Variants in NLRP1 observed in about 807,000 individuals in gnomAD.
NLRP1 encodes the protein NLR family pyrin domain containing 1, also known as NACHT, LRR and PYD domains-containing protein 1.
NLRP1 carries 94 observed loss-of-function variants against 136.7 expected under a neutral mutation model. That is an observed-to-expected ratio of 0.69 (90% CI 0.58 to 0.82). The LOEUF (loss-of-function observed/expected upper bound fraction) is 0.82. NLRP1 is among the 40% of genes least tolerant of loss of function. The pLI, the probability that NLRP1 is intolerant of heterozygous loss-of-function variation, is 0.00. For missense variants in NLRP1, 1,575 were observed against 1,802.7 expected, an observed-to-expected ratio of 0.87 and a Z score of 2.29; for synonymous variants, 690 against 725.1, an observed-to-expected ratio of 0.95 and a Z score of 0.78.
intron 3 of NLRP1, among the ~76,000 whole-genome samples, chr17:5,578,398 TCAAA>T (rs1905235373): frequency 6.6e-6 from 1 of 150,982 alleles, no homozygotes; most frequent in South Asian, 2.2e-4. Flanking sequence ...TACAAAGAAC[TCAAA>T]CAAATTTACA....
chr17:5,537,694 T>C lies in NLRP1; in HGVS notation c.2871-754A>G, dbSNP rs541782934. 2.0e-5 allele frequency among the ~76,000 whole-genome samples: 3 copies of C among 152,292 alleles called. No homozygotes were observed. The South Asian group carries it at 6.2e-4, about 32-fold the overall frequency. ...CTGCCCCTGGGGAGGAGCGCAGACC[T>C]TGAAGTAGAAGGTTATTCTTCTCAA... On this transcript the variant is annotated intron_variant, in intron 7 of 16. Coordinates refer to ENST00000572272, the MANE Select transcript of NLRP1 (RefSeq NM_033004.4). This position sits in a 1 kb window ranked among gnomAD's most constrained non-coding sequence, Gnocchi z 4.5.
intron 3 of NLRP1, among the ~76,000 whole-genome samples, chr17:5,567,882 C>A (rs1027421333): frequency 1.3e-5 from 2 of 152,106 alleles, no homozygotes; most frequent in Non-Finnish European, 2.9e-5. Flanking sequence ...ATATGTCATG[C>A]CACTCTCTCC....
intron 3 of NLRP1, among the ~76,000 whole-genome samples, chr17:5,577,597 A>G (rs1450267037): frequency 3.3e-5 from 5 of 152,036 alleles, no homozygotes; most frequent in South Asian, 4.1e-4. Context: ...CCACTGCTCA[A>G]TGAAATAAAA....
Position 5,582,069 on chromosome 17 carries a change from G to A in NLRP1, c.449-7C>T. 1 of 1,601,956 alleles carries A rather than the reference G, an allele frequency of 6.2e-7. No individual in the cohort carries two copies. The highest frequency in any genetic ancestry group is 8.5e-7 in the Non-Finnish European group (1 of 1,171,758). ...AGGAGTGAGGCAGAGATTTCTGGGG[G>A]GAATGAAAAGAAAAATAACCATTTA... On this transcript the variant is annotated splice_region_variant and splice_polypyrimidine_tract_variant and intron_variant, in intron 2 of 16. Coordinates refer to ENST00000572272, the MANE Select transcript of NLRP1 (RefSeq NM_033004.4).
Position 5,558,463 on chromosome 17 carries a change from C to T in NLRP1, c.2233G>A (p.Val745Ile). ...ACTAAGAGCTCCATGTCTGTTTCTA[C>T]ACACATGCCCATTTCTTCGAAATGG... ...MAHFEEMGMC[V>I]ETDMELLVCT... is the part of the protein sequence containing the mutation. Residue 745 changes from valine (V) to isoleucine (I), a missense_variant, in exon 4 of 17, where the codon GTA becomes ATA. Coordinates refer to ENST00000572272, the MANE Select transcript of NLRP1 (RefSeq NM_033004.4). 2 of 1,614,126 alleles carry T rather than the reference C, an allele frequency of 1.2e-6. No homozygotes were observed. The highest frequency in any genetic ancestry group is 1.7e-6 in the Non-Finnish European group (2 of 1,180,028).
At chr17:5,573,561 C>A (rs1904665058) in intron 3 of NLRP1, among the ~76,000 whole-genome samples, 2 of 152,220 alleles carry the variant, frequency 1.3e-5, no homozygotes, top group South Asian at 4.1e-4. Flanking sequence ...CTGGGAAGCA[C>A]CCCCAAGTAG....
downstream of NLRP1, chr17:5,512,595 C>G: frequency 2.0e-6 from 1 of 499,664 alleles, no homozygotes; most frequent in South Asian, 2.1e-5. Context: ...GTGGGTGGGG[C>G]GTGAAGGACC....
chr17:5,557,945 GAGAGAATGAATGCCC>G (rs984697665), intron 4 of NLRP1, among the ~76,000 whole-genome samples: 1 of 152,176 alleles, frequency 6.6e-6, no homozygotes, highest in African/African-American at 2.4e-5. Context: ...CAATTTCTCC[GAGAGAATGAATGCCC>G]AGAGAGAGGA....
chr17:5,557,554 C>T (rs769057200), intron 4 of NLRP1, among the ~76,000 whole-genome samples: 6 of 152,118 alleles, frequency 3.9e-5, no homozygotes, highest in African/African-American at 7.2e-5. Flanking sequence ...CCTTAAGGCA[C>T]GTATTGTGCT....
At chr17:5,511,685 G>C (rs567629343), downstream of NLRP1, among the ~76,000 whole-genome samples, 1 of 152,242 alleles carries the variant, frequency 6.6e-6, no homozygotes, top group African/African-American at 2.4e-5. Flanking sequence ...GGGGTTGCGG[G>C]GCTTAGAGGG....
chr17:5,551,814 G>C (rs146186466), intron 5 of NLRP1, among the ~76,000 whole-genome samples: 54 of 152,266 alleles, frequency 3.5e-4, no homozygotes, highest in Admixed American at 4.6e-4. Context: ...CTGTTGCCCA[G>C]CTTGAAGTGC....
rs187891890 is a variant in NLRP1 at position 5,581,122 on chromosome 17, C to A, written c.652+737G>T. Among the ~76,000 whole-genome samples the A allele has an allele frequency of 5.2e-3, 796 of 152,248 alleles. 3 individuals are homozygous for A. The highest frequency in any genetic ancestry group is 0.026 in the South Asian group (126 of 4,824). ...CAGAAGAAATCCTTTTAACTTAAAA[C>A]CTCTCAGATTTCAAAGGAGGCATCC... On this transcript the variant is annotated intron_variant, in intron 3 of 16. Transcript: ENST00000572272.
chr17:5,555,743 CT>C lies in NLRP1; in HGVS notation c.2358-2188del, dbSNP rs550360262. ...GAGAATGGTCAAATCAGCCATGGCA[CT>C]TTCCCTATGGAATAGCATGTGGTCA... On this transcript the variant is annotated intron_variant, in intron 4 of 16. Coordinates refer to ENST00000572272, the MANE Select transcript of NLRP1 (RefSeq NM_033004.4). 1.6e-4 allele frequency among the ~76,000 whole-genome samples: 25 copies of C among 152,156 alleles called. 1 individual carries two copies. The highest frequency in any genetic ancestry group is 3.2e-4 in the Non-Finnish European group (22 of 68,034).
intron 8 of NLRP1, among the ~76,000 whole-genome samples, chr17:5,536,147 G>GTT (rs1160949665): frequency 1.3e-5 from 2 of 150,592 alleles, no homozygotes; most frequent in Admixed American, 6.6e-5. Flanking sequence ...ACTTTTTCTT[G>GTT]TTCTTTTTTT....
intron 5 of NLRP1, among the ~76,000 whole-genome samples, chr17:5,551,262 G>A (rs1225128330): frequency 6.6e-6 from 1 of 152,144 alleles, no homozygotes; most frequent in Non-Finnish European, 1.5e-5. Context: ...CTTCCAGAAT[G>A]TCATATAGTT....
intron 3 of NLRP1, among the ~76,000 whole-genome samples, chr17:5,579,294 G>A (rs1238289524): frequency 1.3e-5 from 2 of 151,646 alleles, no homozygotes; most frequent in Non-Finnish European, 2.9e-5. Context: ...TCCCTGATGT[G>A]GGTGGCTCTC....
chr17:5,568,927 A>G (rs966293369), intron 3 of NLRP1, among the ~76,000 whole-genome samples: 6 of 152,220 alleles, frequency 3.9e-5, no homozygotes, highest in Non-Finnish European at 7.4e-5. Context: ...AGCCACCTAA[A>G]GCCACCTTTA....
intron 3 of NLRP1, among the ~76,000 whole-genome samples, chr17:5,579,006 C>T (rs1032432193): frequency 6.6e-6 from 1 of 152,078 alleles, no homozygotes; most frequent in South Asian, 2.1e-4. Flanking sequence ...CAAACTATCG[C>T]AGGGACAAAC....
exon 16 of NLRP1, chr17:5,501,841 C>A: frequency 6.2e-7 from 1 of 1,613,968 alleles, no homozygotes; most frequent in Non-Finnish European, 8.5e-7. Context: ...CTCTGTTGCA[C>A]CTGAGGTTCC....
Sources: gnomAD v4.1 joint callset for allele counts (sites outside exome capture counted in the v4.1 genomes callset) on GRCh38, gnomAD v4.1.1 for gene constraint, Gnocchi (gnomAD v3.1) non-coding constraint, MANE v1.5 for transcripts, NCBI Gene and HGNC (gene_info 2026-07-23, HGNC 2026-07-21) for gene names.